Variants in HCN4 observed in about 807,000 individuals in gnomAD.
The protein encoded by HCN4 is potassium/sodium hyperpolarization-activated cyclic nucleotide-gated channel 4.
Under a neutral mutation model 76.9 loss-of-function variants are expected in HCN4, and 29 were observed. The ratio of observed to expected loss-of-function variants is 0.38; its 90% CI spans 0.28 to 0.51. HCN4 has a LOEUF of 0.51. HCN4 is among the 20% of genes least tolerant of loss of function. The pLI is 0.90. For missense variants in HCN4, 1,416 were observed against 1,715.2 expected (o/e 0.83, Z 3.08); for synonymous variants, 772 against 762.5 (o/e 1.01, Z -0.21).
rs2042879478 is a variant in HCN4 at position 73,323,664 on chromosome 15, G to A, written c.2429C>T (p.Pro810Leu). 2.5e-6 allele frequency: 4 copies of A among 1,593,358 alleles called. No homozygotes were observed. The African/African-American group carries it at 4.0e-5, about 16-fold the overall frequency. ...ACCGAGGTTGCCCAGCCCAGATCCT[G>A]GGGGAGGGCGGAAGATGGCAGCAGG... ...RLPAAIFRPPPGSGLGNLGAG... is the reference protein window; with the variant it reads ...RLPAAIFRPPLGSGLGNLGAG... Residue 810 changes from proline (P) to leucine (L), a missense_variant, in exon 8 of 8, where the codon CCA becomes CTA. Physicochemically the swap from Pro to Leu is moderately conservative, Grantham distance 98. Transcript: ENST00000261917.
chr15:73,355,297 C>T (rs2043072841), intron 1 of HCN4, among the ~76,000 whole-genome samples: 1 of 152,222 alleles, frequency 6.6e-6, no homozygotes, highest in Non-Finnish European at 1.5e-5. Context: ...AAGTCCCTTC[C>T]TCTCACTGTC....
At chr15:73,351,991 G>A (rs2043056903) in intron 1 of HCN4, among the ~76,000 whole-genome samples, 1 of 152,148 alleles carries the variant, frequency 6.6e-6, no homozygotes, top group Non-Finnish European at 1.5e-5. Context: ...TTGGTTCACA[G>A]GAGGCATCAC....
rs1241674464 is a variant in HCN4 at position 73,323,243 on chromosome 15, TC to T, written c.2849del (p.Gly950GlufsTer35). 1 of 1,525,086 alleles carries T rather than the reference TC, an allele frequency of 6.6e-7. No homozygotes were observed. 94.5% of individuals were successfully genotyped at this position (1,525,086 alleles called of 1,614,324 possible). On this transcript the variant is annotated frameshift_variant, in exon 8 of 8. Coordinates refer to ENST00000261917, the MANE Select transcript of HCN4 (RefSeq NM_005477.3). LOFTEE classifies it high-confidence loss of function. ...QPSPAPPGARGGLGLPEHFLP... is the reference protein window; with the variant it reads ...QPSPAPPGARXGLGLPEHFLP... ...GGAAGTGCTCCGGGAGTCCCAGGCC[TC>T]CCCGGGCCCCGGGTGGCGCGGGAGA...
intron 7 of HCN4, 37 bp downstream of exon 7, chr15:73,324,052 C>T: frequency 6.2e-7 from 1 of 1,605,474 alleles, no homozygotes; most frequent in Non-Finnish European, 8.5e-7. Flanking sequence ...TCCCCCAACA[C>T]CCCCCACCTG....
At chr15:73,362,537 T>C (rs897850579) in intron 1 of HCN4, among the ~76,000 whole-genome samples, 2 of 152,200 alleles carry the variant, frequency 1.3e-5, no homozygotes, top group African/African-American at 2.4e-5. Flanking sequence ...ACAAGCTGCA[T>C]TGTAACAAAC....
At chr15:73,360,653 G>A (rs779095954) in intron 1 of HCN4, among the ~76,000 whole-genome samples, 7 of 151,822 alleles carry the variant, frequency 4.6e-5, no homozygotes, top group Non-Finnish European at 7.4e-5. Flanking sequence ...TCCTTTCCTC[G>A]TCGGAGGCTT....
intron 1 of HCN4, among the ~76,000 whole-genome samples, chr15:73,356,163 T>C (rs566204061): frequency 6.6e-6 from 1 of 150,534 alleles, no homozygotes; most frequent in Non-Finnish European, 1.5e-5. Context: ...GGAAATGGAT[T>C]TGGGGCAGAA....
At chr15:73,324,639 G>A (rs2042887675) in intron 6 of HCN4, among the ~76,000 whole-genome samples, 1 of 152,162 alleles carries the variant, frequency 6.6e-6, no homozygotes, top group Non-Finnish European at 1.5e-5. Flanking sequence ...TCTGCCACAT[G>A]AGGACACAGC....
At position 73,368,149 on chromosome 15, in the gene HCN4, TGGC is replaced by T. The variant is rs2043138647; in HGVS notation, c.119_121del (p.Arg40del). Reference sequence around the variant, plus strand: ...CCGGATGCTCCTGCGGCTGGGGTCTTGGCGGCCCCCGGCCCCCTCCTCCTCGGC... The same window carrying T: ...CCGGATGCTCCTGCGGCTGGGGTCTTGGCCCCCGGCCCCCTCCTCCTCGGC... On this transcript the variant is annotated inframe_deletion, in exon 1 of 8. Coordinates refer to ENST00000261917, the MANE Select transcript of HCN4 (RefSeq NM_005477.3). This position sits in a 1 kb window ranked among gnomAD's most constrained non-coding sequence, Gnocchi z 6.9. 2.0e-6 allele frequency: 3 copies of T among 1,522,862 alleles called. No homozygotes were observed. Among genetic ancestry groups the T allele is most frequent in the Non-Finnish European group, 1.8e-6 (2 of 1,136,732 alleles). The allele number at this position is 1,522,862 out of a possible 1,614,324, so 94.3% of individuals were successfully genotyped here. A position where few individuals can be genotyped will look rare whatever the true frequency, so the allele number is the denominator to read the frequency against.
chr15:73,354,595 C>T (rs992991430), intron 1 of HCN4, among the ~76,000 whole-genome samples: 1 of 152,194 alleles, frequency 6.6e-6, no homozygotes, highest in Non-Finnish European at 1.5e-5. Flanking sequence ...TGGCTAGGTG[C>T]TCTGCTGTGA....
chr15:73,324,092 TGCGGTCCAG>T lies in HCN4; in HGVS notation c.2131_2139del (p.Leu711_Arg713del). On this transcript the variant is annotated inframe_deletion, in exon 7 of 8. Transcript: ENST00000261917. Reference sequence around the variant, plus strand: ...GCCTGTGGCCCCTCCCCCTCACCAATGCGGTCCAGGCGGTCCAGCGCCACGGTCTCGAAG... The same window carrying T: ...GCCTGTGGCCCCTCCCCCTCACCAATGCGGTCCAGCGCCACGGTCTCGAAG... The T allele has an allele frequency of 6.7e-7, 1 of 1,498,926 alleles. No individual in the cohort carries two copies. The highest frequency in any genetic ancestry group is 9.0e-7 in the Non-Finnish European group (1 of 1,108,392). The allele number at this position is 1,498,926 out of a possible 1,614,324, so 92.9% of individuals were successfully genotyped here.
Position 73,343,730 on chromosome 15 carries a change from C to T in HCN4, c.864G>A (p.Lys288=), listed in dbSNP as rs1296638967. The T allele has an allele frequency of 6.2e-7, 1 of 1,614,026 alleles. No homozygotes were observed. Among genetic ancestry groups the T allele is most frequent in the African/African-American group, 1.3e-5 (1 of 74,900 alleles). ...CAATCCAGGGTGTGGTGTTCTCATCCTTGAAGAAGGTGATGCCCACAGGAA... is the reference window on the plus strand; with the variant it reads ...CAATCCAGGGTGTGGTGTTCTCATCTTTGAAGAAGGTGATGCCCACAGGAA... ...IIIPVGITFF[K]DENTTPWIVF... The change falls in exon 2 of 8, where the codon AAG becomes AAA. Residue 288 remains lysine (K), a synonymous_variant. Transcript: ENST00000261917. This position sits in a 1 kb window ranked among gnomAD's most constrained non-coding sequence, Gnocchi z 5.7.
At chr15:73,331,280 G>A (rs2042930758) in intron 3 of HCN4, among the ~76,000 whole-genome samples, 1 of 152,202 alleles carries the variant, frequency 6.6e-6, no homozygotes, top group African/African-American at 2.4e-5. Context: ...TGGAGGGATA[G>A]GGTGGGGTCA....
At chr15:73,335,869 G>A (rs144983008) in intron 2 of HCN4, among the ~76,000 whole-genome samples, 3 of 152,262 alleles carry the variant, frequency 2.0e-5, no homozygotes, top group East Asian at 1.9e-4. Context: ...CCTGGGTCTC[G>A]GGGCAGTACC....
intron 6 of HCN4, 134 bp downstream of exon 6, chr15:73,324,821 T>C (rs983352574): frequency 1.0e-5 from 11 of 1,087,746 alleles, no homozygotes; most frequent in Admixed American, 4.3e-5. Flanking sequence ...AAGACACCCC[T>C]ACCCTGGGCT....
At position 73,343,322 on chromosome 15, in the gene HCN4, C is replaced by T. The variant is rs912646960; in HGVS notation, c.1209+63G>A. ...TGTTCAATTATCTGAGGTTCCCTGC[C>T]AGTTCCTCACTCCCTCTGTGGGGAG... On this transcript the variant is annotated intron_variant, in intron 2 of 7. Transcript: ENST00000261917. The surrounding 1 kb of genome is among the most constrained non-coding windows in gnomAD (Gnocchi z 5.7). 2.9e-4 allele frequency: 432 copies of T among 1,513,774 alleles called. No homozygotes were observed. The highest frequency in any genetic ancestry group is 3.7e-4 in the Non-Finnish European group (407 of 1,096,192). 93.8% of individuals were successfully genotyped at this position (1,513,774 alleles called of 1,614,324 possible).
chr15:73,323,200 A>G lies in HCN4; in HGVS notation c.2893T>C (p.Ser965Pro). ...CCGGGGCTAGATGACGGGGATCTGGATGAGGGTGGGGGTGGCAGGAAGTGC... is the reference window on the plus strand; with the variant it reads ...CCGGGGCTAGATGACGGGGATCTGGGTGAGGGTGGGGGTGGCAGGAAGTGC... ...PEHFLPPPPS[S>P]RSPSSSPGQL... The change falls in exon 8 of 8, where the codon TCC (serine) becomes CCC (proline). Residue 965 changes from serine (S) to proline (P), a missense_variant. Ser to Pro is a moderately conservative substitution (Grantham distance 74). Around this residue, in one of 6 missense-constraint regions of HCN4, gnomAD observed 633 missense variants for 579.8 expected, o/e 1.09. Coordinates refer to ENST00000261917, the MANE Select transcript of HCN4 (RefSeq NM_005477.3). 1 of 1,540,530 alleles carries G rather than the reference A, an allele frequency of 6.5e-7. No individual in the cohort carries two copies. The highest frequency in any genetic ancestry group is 8.7e-7 in the Non-Finnish European group (1 of 1,146,420).
intron 2 of HCN4, among the ~76,000 whole-genome samples, chr15:73,338,988 T>G (rs2042982230): frequency 6.6e-6 from 1 of 152,118 alleles, no homozygotes; most frequent in Admixed American, 6.5e-5. Context: ...GCAATCAAGG[T>G]CTACAGGATG....
chr15:73,323,535 G>A lies in HCN4; in HGVS notation c.2558C>T (p.Ser853Phe). The change falls in exon 8 of 8, where the codon TCT becomes TTT. Residue 853 changes from serine to phenylalanine, a missense_variant. Around this residue, in one of 6 missense-constraint regions of HCN4, gnomAD observed 633 missense variants for 579.8 expected, o/e 1.09. Transcript: ENST00000261917. ...ASSPSQVDTP[S>F]SSSFHIQQLA... ...CTGTTGGATGTGGAAGGAGGATGAA[G>A]ACGGTGTGTCCACCTGGGACGGGCT... The A allele has an allele frequency of 6.2e-7, 1 of 1,601,084 alleles. No individual in the cohort carries two copies. The highest frequency in any genetic ancestry group is 1.1e-5 in the South Asian group (1 of 91,090).
Sources: allele counts gnomAD v4.1 joint callset (sites outside exome capture counted in the v4.1 genomes callset), GRCh38; gene constraint gnomAD v4.1.1; regional missense constraint gnomAD v4.1.1; non-coding constraint Gnocchi (gnomAD v3.1); transcripts MANE v1.5; gene names NCBI Gene and HGNC (gene_info 2026-07-23, HGNC 2026-07-21).